Variants in SGCD observed in about 807,000 individuals in gnomAD.
SGCD encodes the protein delta-sarcoglycan.
SGCD carries 18 observed loss-of-function variants against 36.6 expected under a neutral mutation model. The ratio of observed to expected loss-of-function variants is 0.49; its 90% CI spans 0.34 to 0.73. The LOEUF is 0.73. Among genes scored for constraint, SGCD ranks in the 30% least tolerant of loss-of-function variants. The pLI is 0.01. For missense variants in SGCD, 387 were observed against 346.7 expected (o/e 1.12, Z -0.92); for synonymous variants, 133 against 130.6 (o/e 1.02, Z -0.12).
At chr5:156,640,552 C>T (rs756886512) in intron 6 of SGCD, among the ~76,000 whole-genome samples, 1 of 152,192 alleles carries the variant, frequency 6.6e-6, no homozygotes, top group Non-Finnish European at 1.5e-5. Flanking sequence ...GTGCCATTCA[C>T]ATAATAGGTA....
chr5:156,493,271 A>G (rs938077465), intron 3 of SGCD, among the ~76,000 whole-genome samples: 2 of 152,182 alleles, frequency 1.3e-5, no homozygotes, highest in Non-Finnish European at 2.9e-5. Context: ...CTTGAAATCT[A>G]TTAGCAATGT....
intron 6 of SGCD, among the ~76,000 whole-genome samples, chr5:156,614,600 C>A (rs994270389): frequency 2.0e-5 from 3 of 152,194 alleles, no homozygotes; most frequent in Non-Finnish European, 4.4e-5. Flanking sequence ...CCTGTTGACT[C>A]CCCCACAGTT....
At chr5:156,450,696 C>T (rs1306238994) in intron 3 of SGCD, among the ~76,000 whole-genome samples, 1 of 152,012 alleles carries the variant, frequency 6.6e-6, no homozygotes, top group Non-Finnish European at 1.5e-5. Context: ...AAAACACTGG[C>T]ATTCATTTTC....
the SGCD span, among the ~76,000 whole-genome samples, chr5:155,768,416 A>T: frequency 6.6e-6 from 1 of 152,088 alleles, no homozygotes; most frequent in South Asian, 2.1e-4. Flanking sequence ...AGACACTGAG[A>T]TACAATAAAG....
chr5:156,283,325 T>A lies in SGCD; in HGVS notation c.-43-46209T>A, dbSNP rs115300932. Among the ~76,000 whole-genome samples the A allele has an allele frequency of 9.8e-3, 1,496 of 152,296 alleles. 20 individuals carry two copies. Among genetic ancestry groups the A allele is most frequent in the African/African-American group, 0.035 (1,450 of 41,552 alleles). ...CTTTCCTTGCCCCAAATTGAACTGTTCTCTGGTGTAACTCCGTTATGCACA... is the reference window on the plus strand; with the variant it reads ...CTTTCCTTGCCCCAAATTGAACTGTACTCTGGTGTAACTCCGTTATGCACA... On this transcript the variant is annotated intron_variant, in intron 3 of 9. Coordinates refer to the SGCD transcript ENST00000517913.
chr5:155,731,359 T>C, the SGCD span, among the ~76,000 whole-genome samples: 1 of 147,064 alleles, frequency 6.8e-6, no homozygotes, highest in Admixed American at 6.9e-5. Flanking sequence ...GGAAGTCAGA[T>C]GGGGAGGAGG....
intron 3 of SGCD, among the ~76,000 whole-genome samples, chr5:156,183,398 A>T (rs574430819): frequency 1.3e-5 from 2 of 152,264 alleles, no homozygotes; most frequent in South Asian, 4.1e-4. Flanking sequence ...ATACAATAAT[A>T]ACTATTATTA....
chr5:156,583,145 G>A (rs562161246), intron 4 of SGCD, among the ~76,000 whole-genome samples: 11 of 152,170 alleles, frequency 7.2e-5, no homozygotes, highest in Non-Finnish European at 1.5e-4. Flanking sequence ...GGAAGGCACA[G>A]AGGAACTTAA....
the SGCD span, among the ~76,000 whole-genome samples, chr5:155,737,442 T>A: frequency 6.6e-6 from 1 of 152,228 alleles, no homozygotes; most frequent in African/African-American, 2.4e-5. Context: ...AATCATACTC[T>A]TACTATAGAC....
At chr5:155,936,195 G>A (rs1044141574) in intron 1 of SGCD, among the ~76,000 whole-genome samples, 10 of 152,176 alleles carry the variant, frequency 6.6e-5, no homozygotes, top group African/African-American at 2.4e-4. Flanking sequence ...CGAGAAAGGG[G>A]TGCGTTTCAG....
chr5:156,393,425 A>G (rs900588956), intron 3 of SGCD, among the ~76,000 whole-genome samples: 2 of 152,242 alleles, frequency 1.3e-5, no homozygotes, highest in African/African-American at 4.8e-5. Context: ...AAATTAAATC[A>G]TTTATAAACA....
chr5:156,386,314 T>C (rs924872), intron 3 of SGCD, among the ~76,000 whole-genome samples: 111,127 of 152,096 alleles, frequency 0.73, 40,897 homozygotes, highest in Middle Eastern at 0.88. Flanking sequence ...TGTCCCCTGG[T>C]CTCTCTAAAT....
chr5:156,331,053 G>C (rs1363786047), intron 2 of SGCD, among the ~76,000 whole-genome samples: 1 of 152,168 alleles, frequency 6.6e-6, no homozygotes, highest in African/African-American at 2.4e-5. Flanking sequence ...ATATAGTTAA[G>C]ATGAACTGAG....
chr5:155,866,330 G>T (rs1164230419), upstream of SGCD, among the ~76,000 whole-genome samples: 1 of 152,126 alleles, frequency 6.6e-6, no homozygotes, highest in Non-Finnish European at 1.5e-5. Flanking sequence ...TTCAGGCTGA[G>T]GTGTCAGCAG....
chr5:156,215,641 C>A (rs1197823499), intron 3 of SGCD, among the ~76,000 whole-genome samples: 1 of 152,110 alleles, frequency 6.6e-6, no homozygotes, highest in Non-Finnish European at 1.5e-5. Flanking sequence ...TATCACCTAA[C>A]ACCAGTTAGA....
At position 156,759,548 on chromosome 5, in the gene SGCD, G is replaced by A. The variant is rs187465743; in HGVS notation, c.*158G>A. ...TGCTTGAGTGTGTTCGCGTGTGTGG[G>A]TGGATATAAATATATATAAATATAT... On this transcript the variant is annotated 3_prime_UTR_variant, in exon 9 of 9. Transcript: ENST00000337851. The A allele has an allele frequency of 2.8e-3, 820 of 288,294 alleles. 6 individuals are homozygous for A. Among genetic ancestry groups the A allele is most frequent in the Middle Eastern group, 5.2e-3 (5 of 968 alleles). 17.9% of individuals were successfully genotyped at this position (288,294 alleles called of 1,614,324 possible). A position where few individuals can be genotyped will look rare whatever the true frequency, so the allele number is the denominator to read the frequency against.
chr5:155,782,464 C>A, the SGCD span, among the ~76,000 whole-genome samples: 20 of 152,098 alleles, frequency 1.3e-4, no homozygotes, highest in Non-Finnish European at 2.2e-4. Context: ...TCCTAAACCT[C>A]CTTTAGAAAG....
chr5:155,736,242 C>A, the SGCD span, among the ~76,000 whole-genome samples: 11,866 of 152,196 alleles, frequency 0.078, 562 homozygotes, highest in African/African-American at 0.12. Context: ...TCAGAGCTGA[C>A]AAGGCAGAAG....
At chr5:156,250,259 G>A (rs1310005697) in intron 3 of SGCD, among the ~76,000 whole-genome samples, 1 of 152,248 alleles carries the variant, frequency 6.6e-6, no homozygotes, top group East Asian at 1.9e-4. Flanking sequence ...AAGATAGCGA[G>A]GTACCTTTCT....
Sources: allele counts gnomAD v4.1 joint callset (sites outside exome capture counted in the v4.1 genomes callset), GRCh38; gene constraint gnomAD v4.1.1; transcripts MANE v1.5; gene names NCBI Gene and HGNC (gene_info 2026-07-23, HGNC 2026-07-21).